Variants in SELENOI observed in about 807,000 individuals in gnomAD.
SELENOI encodes the protein ethanolaminephosphotransferase 1.
In SELENOI, 24 loss-of-function variants were observed where a neutral mutation model predicts 50.7. The observed-to-expected ratio is 0.47, with a 90% CI of 0.34 to 0.67. The LOEUF is 0.67. SELENOI is among the 30% of genes least tolerant of loss of function. The pLI, the probability that SELENOI is intolerant of heterozygous loss-of-function variation, is 0.01. For missense variants in SELENOI, 352 were observed against 461.4 expected, an observed-to-expected ratio of 0.76 and a Z score of 2.17; for synonymous variants, 155 against 170.2, an observed-to-expected ratio of 0.91 and a Z score of 0.70.
Position 26,375,145 on chromosome 2 carries a change from A to G in SELENOI, c.679A>G (p.Ile227Val). ...TAGAGACCTATTCACTGCAATGATT[A>G]TTGGTAAGAAGCTCCATGTTGAAGC... ...LYRDLFTAMI[I>V]GCALCVTLPM... The change falls in exon 6 of 10, where the codon ATT (isoleucine) becomes GTT (valine). Residue 227 changes from isoleucine (I) to valine (V), a missense_variant. Ile to Val is a conservative substitution (Grantham distance 29, BLOSUM62 3). Coordinates refer to ENST00000260585, the MANE Select transcript of SELENOI (RefSeq NM_033505.4). 6.3e-7 allele frequency: 1 copy of G among 1,580,442 alleles called. No homozygotes were observed. The highest frequency in any genetic ancestry group is 8.7e-7 in the Non-Finnish European group (1 of 1,152,222).
chr2:26,347,988 T>G (rs1181709749), intron 1 of SELENOI, among the ~76,000 whole-genome samples: 1 of 152,174 alleles, frequency 6.6e-6, no homozygotes, highest in South Asian at 2.1e-4. Flanking sequence ...TTCACTAAAA[T>G]AGTTTGTTGA....
intron 5 of SELENOI, 44 bp downstream of exon 5, chr2:26,373,673 C>G: frequency 6.3e-7 from 1 of 1,579,262 alleles, no homozygotes; most frequent in Non-Finnish European, 8.6e-7. Flanking sequence ...TACCATGATA[C>G]TTTTGGAAAG....
chr2:26,374,709 C>T (rs56134770), intron 5 of SELENOI, among the ~76,000 whole-genome samples: 60,008 of 151,684 alleles, frequency 0.4, 13,329 homozygotes, highest in Non-Finnish European at 0.51. Flanking sequence ...GCTGGGATTA[C>T]AGGCATGCGC....
chr2:26,346,992 A>T (rs1463187641), intron 1 of SELENOI: 1 of 152,210 alleles, frequency 6.6e-6, no homozygotes, highest in Non-Finnish European at 1.5e-5. Context: ...AAATGATTAG[A>T]GGAATTTGTG....
chr2:26,373,103 G>A (rs1397097661), intron 4 of SELENOI, among the ~76,000 whole-genome samples: 1 of 152,146 alleles, frequency 6.6e-6, no homozygotes, highest in Non-Finnish European at 1.5e-5. Flanking sequence ...TGCCCAGGCT[G>A]GTCTCAAACT....
chr2:26,346,541 G>A (rs899558248), intron 1 of SELENOI: 2 of 411,108 alleles, frequency 4.9e-6, no homozygotes, highest in Non-Finnish European at 8.6e-6. Flanking sequence ...TGATCATGGA[G>A]CGAGGGAATT....
intron 6 of SELENOI, 82 bp downstream of exon 6, chr2:26,375,230 C>A: frequency 1.2e-6 from 1 of 820,630 alleles, no homozygotes; most frequent in Non-Finnish European, 1.9e-6. Flanking sequence ...CAAGCAACAA[C>A]ACCCTTTGCC....
intron 4 of SELENOI, among the ~76,000 whole-genome samples, chr2:26,369,970 A>G (rs1359311863): frequency 6.6e-6 from 1 of 150,624 alleles, no homozygotes; most frequent in African/African-American, 2.5e-5. Flanking sequence ...CAAGTGAACA[A>G]AGGTCTCTGG....
chr2:26,357,119 A>G (rs1300305211), intron 1 of SELENOI, among the ~76,000 whole-genome samples: 5 of 152,196 alleles, frequency 3.3e-5, no homozygotes. Context: ...CCAGCTCAAG[A>G]TACAGAATTA....
At chr2:26,363,161 T>C (rs1574753690) in intron 1 of SELENOI, among the ~76,000 whole-genome samples, 1 of 152,330 alleles carries the variant, frequency 6.6e-6, no homozygotes, top group East Asian at 1.9e-4. Flanking sequence ...ATTCCTTTGG[T>C]ACTTAAAACA....
chr2:26,357,882 C>T (rs1430346579), intron 1 of SELENOI, among the ~76,000 whole-genome samples: 3 of 148,754 alleles, frequency 2.0e-5, no homozygotes, highest in Admixed American at 6.7e-5. Flanking sequence ...GGGAGGGACC[C>T]ATTCGGAGAA....
At chr2:26,386,949 T>C (rs1677856213) in intron 9 of SELENOI, among the ~76,000 whole-genome samples, 1 of 152,200 alleles carries the variant, frequency 6.6e-6, no homozygotes, top group Non-Finnish European at 1.5e-5. Context: ...TTAACAAAAT[T>C]TGGAAAGAAA....
intron 1 of SELENOI, among the ~76,000 whole-genome samples, chr2:26,356,994 TTC>T (rs759500828): frequency 2.0e-5 from 3 of 152,234 alleles, no homozygotes; most frequent in East Asian, 3.9e-4. Flanking sequence ...GTCTTTCGTT[TTC>T]TCTCTCTTTT....
chr2:26,395,794 T>C lies in SELENOI; in HGVS notation c.*6691T>C, dbSNP rs1315788005. 6.6e-6 allele frequency: 1 copy of C among 152,622 alleles called. No individual in the cohort carries two copies. Among genetic ancestry groups the C allele is most frequent in the Non-Finnish European group, 1.5e-5 (1 of 68,030 alleles). The allele number at this position is 152,622 out of a possible 1,614,324, so 9.5% of individuals were successfully genotyped here. ...CTGCTGCTGTGAAACCCCAAAGTAA[T>C]GCAGTAGGTTTTAATTGAAAATTGT... On this transcript the variant is annotated 3_prime_UTR_variant, in exon 10 of 10. Coordinates refer to ENST00000260585, the MANE Select transcript of SELENOI (RefSeq NM_033505.4).
At chr2:26,382,739 C>G (rs72852739) in intron 6 of SELENOI, among the ~76,000 whole-genome samples, 296 of 151,964 alleles carry the variant, frequency 1.9e-3, no homozygotes, top group African/African-American at 6.9e-3. Flanking sequence ...TGCTTGTAGT[C>G]TCAGCTGCTC....
chr2:26,356,185 A>C (rs1677060748), intron 1 of SELENOI, among the ~76,000 whole-genome samples: 1 of 151,988 alleles, frequency 6.6e-6, no homozygotes, highest in Non-Finnish European at 1.5e-5. Flanking sequence ...TAGAAATAAG[A>C]TCTCCCTCTG....
At chr2:26,361,507 C>T (rs184646530) in intron 1 of SELENOI, among the ~76,000 whole-genome samples, 23 of 152,252 alleles carry the variant, frequency 1.5e-4, no homozygotes, top group Admixed American at 1.1e-3. Context: ...ACCTATTTTC[C>T]GACCCTGGTT....
At position 26,363,078 on chromosome 2, in the gene SELENOI, G is replaced by A. The variant is rs116211364; in HGVS notation, c.58-1224G>A. Among the ~76,000 whole-genome samples, 1,405 of 152,226 alleles carry A rather than the reference G, an allele frequency of 9.2e-3. 12 individuals are homozygous for A. The highest frequency in any genetic ancestry group is 0.031 in the Middle Eastern group (9 of 294). ...TAACTGGGGAATAAGCTCCCTTACC[G>A]TATGACCCTAACCTATTTTGTCTTC... On this transcript the variant is annotated intron_variant, in intron 1 of 9. Coordinates refer to ENST00000260585, the MANE Select transcript of SELENOI (RefSeq NM_033505.4).
chr2:26,356,803 C>T (rs1172822655), intron 1 of SELENOI, among the ~76,000 whole-genome samples: 1 of 152,130 alleles, frequency 6.6e-6, no homozygotes, highest in African/African-American at 2.4e-5. Context: ...GTCTGCCCAC[C>T]TTTCCAGTCT....
Sources: allele counts gnomAD v4.1 joint callset (sites outside exome capture counted in the v4.1 genomes callset), GRCh38; gene constraint gnomAD v4.1.1; transcripts MANE v1.5; gene names NCBI Gene and HGNC (gene_info 2026-07-23, HGNC 2026-07-21).